TXNDC5: variants seen among roughly 807,000 people sequenced by gnomAD.
TXNDC5 encodes the protein thioredoxin domain containing 5, also known as thioredoxin domain-containing protein 5.
A neutral mutation model predicts 52.6 loss-of-function variants in TXNDC5; 44 were observed. The ratio of observed to expected loss-of-function variants is 0.84; its 90% CI spans 0.66 to 1.08. TXNDC5 has a LOEUF of 1.08. Ranked by LOEUF, TXNDC5 falls within the 50% of genes least tolerant of loss-of-function variation. TXNDC5 has a pLI of 0.00. For missense variants in TXNDC5, 600 were observed against 565.5 expected (o/e 1.06, Z -0.62); for synonymous variants, 241 against 234.4 (o/e 1.03, Z -0.26).
intron 3 of TXNDC5, among the ~76,000 whole-genome samples, chr6:7,895,695 G>A (rs1409203918): frequency 6.6e-6 from 1 of 152,080 alleles, no homozygotes; most frequent in African/African-American, 2.4e-5. Context: ...TGAGGCAAGA[G>A]GACTGCTTGA....
intron 1 of TXNDC5, among the ~76,000 whole-genome samples, chr6:7,905,643 T>C (rs1760705439): frequency 6.6e-6 from 1 of 152,246 alleles, no homozygotes; most frequent in South Asian, 2.1e-4. Flanking sequence ...CTTGCTGTGT[T>C]CTCTGGACAG....
chr6:7,899,566 A>G lies in TXNDC5; in HGVS notation c.519+10T>C, dbSNP rs1760492915. The stretch of plus-strand genomic sequence containing the variant: ...GAGGGAGGGAGGGAGGGAAGGAGGT[A>G]GACACTCACCACTGGCTCCTCGTTC... On this transcript the variant is annotated intron_variant, in intron 3 of 9. Transcript: ENST00000379757. 1 of 1,610,200 alleles carries G rather than the reference A, an allele frequency of 6.2e-7. No individual in the cohort carries two copies. Among genetic ancestry groups the G allele is most frequent in the Non-Finnish European group, 8.5e-7 (1 of 1,177,280 alleles).
At chr6:7,901,014 T>C (rs1478610711) in intron 2 of TXNDC5, among the ~76,000 whole-genome samples, 1 of 152,100 alleles carries the variant, frequency 6.6e-6, no homozygotes, top group Non-Finnish European at 1.5e-5. Flanking sequence ...GGCTTTGAAA[T>C]TAGTATCAGC....
chr6:7,883,086 G>T lies in TXNDC5; in HGVS notation c.*58C>A. 2 of 1,609,916 alleles carry T rather than the reference G, an allele frequency of 1.2e-6. No individual in the cohort carries two copies. The highest frequency in any genetic ancestry group is 2.2e-5 in the East Asian group (1 of 44,770). On this transcript the variant is annotated 3_prime_UTR_variant, in exon 10 of 10. Transcript: ENST00000379757. ...GGAACCCAGTGGCCTCTGTGGGACT[G>T]AACTCCTAAACGCAGGGTGCGGGAG... is the stretch of plus-strand genomic sequence containing the variant.
At chr6:7,888,070 G>T (rs984469236) in intron 7 of TXNDC5, among the ~76,000 whole-genome samples, 2 of 152,194 alleles carry the variant, frequency 1.3e-5, no homozygotes, top group African/African-American at 4.8e-5. Context: ...TGCTTCAGAG[G>T]CAGGAAACCG....
chr6:7,883,820 G>GA (rs1282405282), intron 9 of TXNDC5, among the ~76,000 whole-genome samples: 1 of 151,950 alleles, frequency 6.6e-6, no homozygotes, highest in African/African-American at 2.4e-5. Context: ...TAACAAAGAA[G>GA]AAAAAAAATG....
At chr6:7,894,630 T>TA in intron 4 of TXNDC5, 1 of 810,004 alleles carries the variant, frequency 1.2e-6, no homozygotes, top group African/African-American at 1.9e-5. Flanking sequence ...ATTACTTCTT[T>TA]AAAAACAATG....
intron 9 of TXNDC5, among the ~76,000 whole-genome samples, chr6:7,884,151 T>C (rs1398838540): frequency 6.6e-6 from 1 of 152,208 alleles, no homozygotes; most frequent in Non-Finnish European, 1.5e-5. Flanking sequence ...CACTGAAACA[T>C]GGATACTAAC....
At chr6:7,903,907 G>A (rs1471802773) in intron 2 of TXNDC5, among the ~76,000 whole-genome samples, 1 of 152,168 alleles carries the variant, frequency 6.6e-6, no homozygotes, top group Non-Finnish European at 1.5e-5. Context: ...AGCCAAGCAG[G>A]GCCAGTCAGT....
intron 2 of TXNDC5, chr6:7,900,298 T>G (rs1017842039): frequency 6.6e-6 from 1 of 152,128 alleles, no homozygotes; most frequent in Non-Finnish European, 1.5e-5. Context: ...GTAGGTCCTT[T>G]AACCATAAGC....
chr6:7,905,883 C>A (rs1349322153), intron 1 of TXNDC5, among the ~76,000 whole-genome samples: 2 of 152,188 alleles, frequency 1.3e-5, no homozygotes, highest in African/African-American at 4.8e-5. Flanking sequence ...ATTGTGACTT[C>A]TTCCTCAAAA....
chr6:7,883,510 T>C (rs564057981), intron 9 of TXNDC5, among the ~76,000 whole-genome samples: 1 of 152,172 alleles, frequency 6.6e-6, no homozygotes, highest in Non-Finnish European at 1.5e-5. Flanking sequence ...GGAACGACTT[T>C]ACCCTAAAGC....
chr6:7,904,742 A>G lies in TXNDC5; in HGVS notation c.264-19T>C. Reference sequence around the variant, plus strand: ...TCCACACCTGGAACAAGGCAAGAGTACAAGCACATTGAGTATCAGGTCACA... The same window carrying G: ...TCCACACCTGGAACAAGGCAAGAGTGCAAGCACATTGAGTATCAGGTCACA... On this transcript the variant is annotated intron_variant, in intron 1 of 9. Coordinates refer to ENST00000379757, the MANE Select transcript of TXNDC5 (RefSeq NM_030810.5). The G allele has an allele frequency of 6.2e-7, 1 of 1,614,152 alleles. No homozygotes were observed. Among genetic ancestry groups the G allele is most frequent in the South Asian group, 1.1e-5 (1 of 91,072 alleles).
chr6:7,892,194 C>T (rs781736061), intron 4 of TXNDC5, among the ~76,000 whole-genome samples: 2 of 152,220 alleles, frequency 1.3e-5, no homozygotes, highest in African/African-American at 2.4e-5. Flanking sequence ...GACAACTGGA[C>T]GTTCTGTGCC....
intron 3 of TXNDC5, 90 bp from the exon 4 acceptor site, chr6:7,895,292 T>C (rs955309375): frequency 8.7e-7 from 1 of 1,149,222 alleles, no homozygotes; most frequent in Non-Finnish European, 1.2e-6. Flanking sequence ...GGGAACCGCC[T>C]GCAGATGCCT....
intron 3 of TXNDC5, among the ~76,000 whole-genome samples, chr6:7,895,672 C>T (rs567645344): frequency 1.3e-5 from 2 of 152,260 alleles, no homozygotes; most frequent in African/African-American, 4.8e-5. Context: ...GTAACCCTAG[C>T]ATTTTGGGAG....
At chr6:7,889,048 C>T (rs1210329242) in intron 6 of TXNDC5, 200 bp from the exon 7 acceptor site, 12 of 606,874 alleles carry the variant, frequency 2.0e-5, no homozygotes, top group Admixed American at 3.6e-5. Context: ...CTGTACAGGC[C>T]CCTCTTCCCT....
At chr6:7,909,933 G>A in intron 1 of TXNDC5, 1 of 986,072 alleles carries the variant, frequency 1.0e-6, no homozygotes, top group Non-Finnish European at 1.2e-6. Context: ...CGTGGCCCAC[G>A]GGCAGGCCGC....
At chr6:7,895,402 A>G (rs1308716159) in intron 3 of TXNDC5, among the ~76,000 whole-genome samples, 200 bp from the exon 4 acceptor site, 2 of 152,012 alleles carry the variant, frequency 1.3e-5, no homozygotes. Context: ...CTTCAGCAAA[A>G]AGCCCCCTCG....
Sources: gnomAD v4.1 joint callset for allele counts (sites outside exome capture counted in the v4.1 genomes callset) on GRCh38, gnomAD v4.1.1 for gene constraint, MANE v1.5 for transcripts, NCBI Gene and HGNC (gene_info 2026-07-23, HGNC 2026-07-21) for gene names.